Variants in PKHD1L1 observed in about 807,000 individuals in gnomAD.
PKHD1L1 encodes the protein fibrocystin-L.
PKHD1L1 carries 434 observed loss-of-function variants against 462.9 expected under a neutral mutation model. That is an observed-to-expected ratio of 0.94 (90% CI 0.87 to 1.02). The LOEUF (loss-of-function observed/expected upper bound fraction) is 1.02. Ranked by LOEUF, PKHD1L1 falls within the 50% of genes least tolerant of loss-of-function variation. The pLI is 0.00. For synonymous variants in PKHD1L1, 1,781 were observed against 1,750.0 expected, an observed-to-expected ratio of 1.02 and a Z score of -0.44; for missense variants, 5,202 against 5,096.1, an observed-to-expected ratio of 1.02 and a Z score of -0.63.
In PKHD1L1 at chr8:109,430,020, C is replaced by T. The variant is rs200017885; in HGVS notation, c.3212C>T (p.Ala1071Val). 2.5e-5 allele frequency: 40 copies of T among 1,606,090 alleles called. 1 individual carries two copies. In the East Asian group the frequency reaches 6.9e-4, roughly 28 times the overall value. ...WDSNITPLVL[A>V]ISPSQGSYEE... is the part of the protein sequence containing the mutation. ...TCCAACATTACTCCCCTAGTCTTGGCGATAAGCCCTTCTCAAGGTAACTTC... is the reference window on the plus strand; with the variant it reads ...TCCAACATTACTCCCCTAGTCTTGGTGATAAGCCCTTCTCAAGGTAACTTC... The change falls in exon 27 of 78, where the codon GCG becomes GTG. Residue 1071 changes from alanine to valine, a missense_variant. By Grantham distance (64) the Ala-to-Val change is moderately conservative. Around this residue, in one of 3 missense-constraint regions of PKHD1L1, gnomAD observed 4,497 missense variants for 4,336.8 expected, o/e 1.04. Transcript: ENST00000378402.
intron 71 of PKHD1L1, among the ~76,000 whole-genome samples, chr8:109,513,337 C>G (rs1368270911): frequency 6.6e-6 from 1 of 152,038 alleles, no homozygotes; most frequent in Non-Finnish European, 1.5e-5. Flanking sequence ...AATGTACATC[C>G]AAAACTGATC....
chr8:109,373,929 G>T (rs994194749), intron 2 of PKHD1L1, among the ~76,000 whole-genome samples: 22 of 152,062 alleles, frequency 1.4e-4, no homozygotes, highest in Non-Finnish European at 1.2e-4. Flanking sequence ...CCAACAATGT[G>T]GTCAATTTTG....
Position 109,445,210 on chromosome 8 carries a change from G to A in PKHD1L1, c.5341G>A (p.Val1781Ile). The change falls in exon 38 of 78, where the codon GTT becomes ATT. Residue 1781 changes from valine (V) to isoleucine (I), a missense_variant. Around this residue, in one of 3 missense-constraint regions of PKHD1L1, gnomAD observed 4,497 missense variants for 4,336.8 expected, o/e 1.04. Coordinates refer to ENST00000378402, the MANE Select transcript of PKHD1L1 (RefSeq NM_177531.6). The stretch of plus-strand genomic sequence containing the variant: ...GGGGACTGTTTTGGAGGACATTGCT[G>A]TTTTCATTGGAAATCAACAGTTCAG... ...GLGTVLEDIA[V>I]FIGNQQFRAI... 3 of 1,613,972 alleles carry A rather than the reference G, an allele frequency of 1.9e-6. No homozygotes were observed. Among genetic ancestry groups the A allele is most frequent in the Non-Finnish European group, 2.5e-6 (3 of 1,179,890 alleles).
intron 17 of PKHD1L1, among the ~76,000 whole-genome samples, chr8:109,406,686 C>T (rs547929428): frequency 1.3e-5 from 2 of 152,122 alleles, no homozygotes; most frequent in Non-Finnish European, 2.9e-5. Context: ...ATACATACTA[C>T]AAATGCGTTT....
chr8:109,529,322 AG>A lies in PKHD1L1; in HGVS notation c.12722-753del, dbSNP rs2131055669. On this transcript the variant is annotated intron_variant, in intron 77 of 77. Transcript: ENST00000378402. ...GGCCTCTTATAGCTGAATATAGACAAGGGGGTTTATGTTATTTTTATGCCAG... is the reference window on the plus strand; with the variant it reads ...GGCCTCTTATAGCTGAATATAGACAAGGGGTTTATGTTATTTTTATGCCAG... Among the ~76,000 whole-genome samples the A allele has an allele frequency of 2.0e-5, 3 of 152,278 alleles. No homozygotes were observed. In the East Asian group the frequency reaches 5.8e-4, roughly 29 times the overall value.
At chr8:109,459,327 G>A (rs1816985304) in intron 46 of PKHD1L1, among the ~76,000 whole-genome samples, 1 of 152,086 alleles carries the variant, frequency 6.6e-6, no homozygotes, top group South Asian at 2.1e-4. Context: ...TAAATGAATA[G>A]TTTTCCAAAT....
At chr8:109,454,297 T>C (rs1437007644) in intron 44 of PKHD1L1, 51 bp downstream of exon 44, 13 of 1,276,912 alleles carry the variant, frequency 1.0e-5, no homozygotes, top group Non-Finnish European at 1.3e-5. Context: ...CTCCATTCAT[T>C]TTTTTAAATA....
chr8:109,384,676 CAGTTT>C (rs753230473), intron 5 of PKHD1L1, among the ~76,000 whole-genome samples: 26 of 151,776 alleles, frequency 1.7e-4, no homozygotes, highest in Non-Finnish European at 3.7e-4. Flanking sequence ...TATATTATTC[CAGTTT>C]ATAATCCCAA....
intron 19 of PKHD1L1, 64 bp downstream of exon 19, chr8:109,410,042 TTA>T: frequency 1.1e-6 from 1 of 881,444 alleles, no homozygotes; most frequent in Non-Finnish European, 1.6e-6. Flanking sequence ...GTTTTAAATT[TTA>T]TAATTTCTCT....
chr8:109,385,245 A>T (rs1368313813), intron 5 of PKHD1L1, among the ~76,000 whole-genome samples: 1 of 150,530 alleles, frequency 6.6e-6, no homozygotes, highest in African/African-American at 2.4e-5. Flanking sequence ...TTTGGTACAG[A>T]GATCTTTTTT....
Position 109,413,490 on chromosome 8 carries a change from A to G in PKHD1L1, c.2305A>G (p.Lys769Glu), listed in dbSNP as rs746915786. 2 of 1,579,460 alleles carry G rather than the reference A, an allele frequency of 1.3e-6. No individual in the cohort carries two copies. The highest frequency in any genetic ancestry group is 1.7e-6 in the Non-Finnish European group (2 of 1,161,514). ...GLKFQYQDNS[K>E]ITRSTDTQFT... ...AAAATTTCAGTACCAAGACAATAGC[A>G]AGATTACTAGAAGCACTGATACACA... Residue 769 changes from lysine (K) to glutamate (E), a missense_variant, in exon 21 of 78, where the codon AAG (lysine) becomes GAG (glutamate). Coordinates refer to ENST00000378402, the MANE Select transcript of PKHD1L1 (RefSeq NM_177531.6).
Position 109,370,999 on chromosome 8 carries a change from T to C in PKHD1L1, c.163+6363T>C, listed in dbSNP as rs563949414. Among the ~76,000 whole-genome samples, 5 of 152,334 alleles carry C rather than the reference T, an allele frequency of 3.3e-5. No homozygotes were observed. The East Asian group carries it at 9.6e-4, about 29-fold the overall frequency. ...TGCATGTGTCTTTATAGGAGCATGA[T>C]TTATAATCCTTTGGGTATATACCCA... On this transcript the variant is annotated intron_variant, in intron 2 of 77. Coordinates refer to ENST00000378402, the MANE Select transcript of PKHD1L1 (RefSeq NM_177531.6).
intron 20 of PKHD1L1, among the ~76,000 whole-genome samples, chr8:109,412,717 T>G (rs1313353311): frequency 7.9e-5 from 12 of 152,092 alleles, no homozygotes; most frequent in Admixed American, 6.6e-4. Context: ...ATGTATAAGC[T>G]TCTTCATTTT....
chr8:109,471,181 A>G, intron 50 of PKHD1L1: 2 of 1,082,562 alleles, frequency 1.8e-6, no homozygotes, highest in African/African-American at 1.6e-5. Context: ...TTTTATTACT[A>G]GTGTTTAAGT....
At position 109,535,238 on chromosome 8, in the gene PKHD1L1, T is replaced by C. The variant is rs1821121538; in HGVS notation, c.*5148T>C. Among the ~76,000 whole-genome samples the C allele has an allele frequency of 6.6e-6, 1 of 152,206 alleles. No homozygotes were observed. The highest frequency in any genetic ancestry group is 2.1e-4 in the South Asian group (1 of 4,834). ...AAATTCCTTTTGTGCAAGATATTTATGACTGTGCCTGGCTACATGGCAATA... is the reference window on the plus strand; with the variant it reads ...AAATTCCTTTTGTGCAAGATATTTACGACTGTGCCTGGCTACATGGCAATA... On this transcript the variant is annotated 3_prime_UTR_variant, in exon 78 of 78. Transcript: ENST00000378402.
At chr8:109,385,414 G>T (rs1812387604) in intron 5 of PKHD1L1, 123 bp from the exon 6 acceptor site, 8 of 555,952 alleles carry the variant, frequency 1.4e-5, no homozygotes, top group East Asian at 3.0e-5. Context: ...AACAATAGTG[G>T]CAAACATGAG....
chr8:109,523,355 C>T lies in PKHD1L1; in HGVS notation c.12453C>T (p.Ala4151=). The T allele has an allele frequency of 6.2e-7, 1 of 1,613,140 alleles. No homozygotes were observed. The highest frequency in any genetic ancestry group is 8.5e-7 in the Non-Finnish European group (1 of 1,179,444). The change falls in exon 76 of 78, where the codon GCC becomes GCT. Residue 4151 remains alanine (A), a synonymous_variant. Coordinates refer to ENST00000378402, the MANE Select transcript of PKHD1L1 (RefSeq NM_177531.6). Reference sequence around the variant, plus strand: ...CAATTCCGTTTAGCAGCTGTTGGGCCAACTACACAGACCTTACTCCCCTTA... The same window carrying T: ...CAATTCCGTTTAGCAGCTGTTGGGCTAACTACACAGACCTTACTCCCCTTA... The part of the protein sequence containing the change: ...NTTIPFSSCW[A]NYTDLTPLRT...
intron 2 of PKHD1L1, among the ~76,000 whole-genome samples, chr8:109,370,843 A>C (rs1811467409): frequency 6.6e-6 from 1 of 152,126 alleles, no homozygotes; most frequent in Non-Finnish European, 1.5e-5. Flanking sequence ...TGAACTCATC[A>C]ATTTTTATGG....
chr8:109,421,172 A>G (rs1814443926), intron 23 of PKHD1L1, among the ~76,000 whole-genome samples: 1 of 151,802 alleles, frequency 6.6e-6, no homozygotes, highest in Non-Finnish European at 1.5e-5. Flanking sequence ...TAAATATTAC[A>G]AATATAATGA....
Sources: allele counts gnomAD v4.1 joint callset (sites outside exome capture counted in the v4.1 genomes callset), GRCh38; gene constraint gnomAD v4.1.1; regional missense constraint gnomAD v4.1.1; transcripts MANE v1.5; gene names NCBI Gene and HGNC (gene_info 2026-07-23, HGNC 2026-07-21).